Variants in C13orf42 observed in about 807,000 individuals in gnomAD.
C13orf42 encodes chromosome 13 open reading frame 42.
intron 1 of C13orf42, among the ~76,000 whole-genome samples, chr13:51,119,654 A>C (rs150449698): frequency 1.7e-4 from 26 of 152,270 alleles, no homozygotes; most frequent in Non-Finnish European, 3.7e-4. Context: ...AGACAGACAC[A>C]AAAAGACAAA....
intron 1 of C13orf42, among the ~76,000 whole-genome samples, chr13:51,153,144 T>G (rs746672781): frequency 9.2e-5 from 14 of 152,220 alleles, no homozygotes; most frequent in Non-Finnish European, 1.9e-4. Flanking sequence ...TGCCAAAGAC[T>G]TGGAGCCTCA....
At chr13:51,156,337 G>A (rs1285019139) in intron 1 of C13orf42, among the ~76,000 whole-genome samples, 3 of 152,150 alleles carry the variant, frequency 2.0e-5, no homozygotes, top group African/African-American at 7.2e-5. Flanking sequence ...CTCTTACTAT[G>A]TGCCAAGTGC....
intron 1 of C13orf42, among the ~76,000 whole-genome samples, chr13:51,153,941 CTTCAAAACTGTT>C (rs1394828352): frequency 6.6e-6 from 1 of 152,048 alleles, no homozygotes; most frequent in Non-Finnish European, 1.5e-5. Context: ...CCCAACCCAT[CTTCAAAACTGTT>C]TTCTTCTTGC....
At chr13:51,113,917 C>A (rs1953460203), upstream of C13orf42, among the ~76,000 whole-genome samples, 1 of 152,256 alleles carries the variant, frequency 6.6e-6, no homozygotes, top group African/African-American at 2.4e-5. Flanking sequence ...TCTCACTGGG[C>A]TCAGACCAGA....
intron 2 of C13orf42, among the ~76,000 whole-genome samples, chr13:51,085,777 C>T (rs768298009): frequency 2.6e-5 from 4 of 152,178 alleles, no homozygotes; most frequent in Non-Finnish European, 4.4e-5. Context: ...AGGCCAGGTG[C>T]GGGGGCTCAC....
intron 1 of C13orf42, among the ~76,000 whole-genome samples, chr13:51,126,329 T>G (rs1953576507): frequency 6.6e-6 from 1 of 152,226 alleles, no homozygotes; most frequent in Non-Finnish European, 1.5e-5. Flanking sequence ...CCCTCTAATC[T>G]GTTGACTGCC....
intron 1 of C13orf42, among the ~76,000 whole-genome samples, chr13:51,153,359 G>A (rs1040963870): frequency 1.3e-5 from 2 of 151,944 alleles, no homozygotes; most frequent in African/African-American, 4.8e-5. Context: ...TGAGGTCCTG[G>A]GCACCTATAA....
chr13:51,083,429 A>G lies in C13orf42; in HGVS notation c.*722T>C, dbSNP rs1953086141. The G allele has an allele frequency of 6.6e-6, 1 of 152,212 alleles. No homozygotes were observed. The highest frequency in any genetic ancestry group is 1.5e-5 in the Non-Finnish European group (1 of 68,042). 9.4% of individuals were successfully genotyped at this position (152,212 alleles called of 1,614,324 possible). A position where few individuals can be genotyped will look rare whatever the true frequency, so the allele number is the denominator to read the frequency against. ...AAAAAGATTTTTCTGGGTAAGAATT[A>G]GAAGAAAAAGAAAAGAATCACCCCA... On this transcript the variant is annotated 3_prime_UTR_variant, in exon 4 of 4. Transcript: ENST00000563710.
chr13:51,170,748 C>T (rs1953942674), intron 1 of C13orf42, among the ~76,000 whole-genome samples: 1 of 152,106 alleles, frequency 6.6e-6, no homozygotes, highest in Admixed American at 6.5e-5. Context: ...GGGACGCCTG[C>T]CTTGGTCCTT....
Position 51,111,191 on chromosome 13 carries a change from A to G in C13orf42, c.19T>C (p.Ser7Pro). The G allele has an allele frequency of 1.0e-5, 4 of 398,484 alleles. No homozygotes were observed. Among genetic ancestry groups the G allele is most frequent in the Non-Finnish European group, 1.8e-5 (4 of 226,066 alleles). 24.7% of individuals were successfully genotyped at this position (398,484 alleles called of 1,614,324 possible). Residue 7 changes from serine (S) to proline (P), a missense_variant, in exon 1 of 4, where the codon TCC becomes CCC. By Grantham distance (74) the Ser-to-Pro change is moderately conservative. Coordinates refer to ENST00000563710, the MANE Select transcript of C13orf42 (RefSeq NM_001351589.3). MFRKIHSIFNSSPQRKT... is the reference protein window; with the variant it reads MFRKIHPIFNSSPQRKT... ...CTCTGTGGGCTGGAGTTAAAGATGG[A>G]GTGGATCTTTCTGAACATAGTGCTC...
intron 1 of C13orf42, among the ~76,000 whole-genome samples, chr13:51,145,875 A>C (rs1010984214): frequency 6.6e-6 from 1 of 152,210 alleles, no homozygotes; most frequent in Admixed American, 6.5e-5. Flanking sequence ...CCTTCAATGC[A>C]TAAAACCAAG....
chr13:51,131,001 A>T (rs965537594), intron 1 of C13orf42, among the ~76,000 whole-genome samples: 1 of 152,138 alleles, frequency 6.6e-6, no homozygotes, highest in Non-Finnish European at 1.5e-5. Flanking sequence ...ATTAATTGTA[A>T]AAGAGATTCC....
At chr13:51,104,983 A>G (rs1040972469) in intron 1 of C13orf42, among the ~76,000 whole-genome samples, 1 of 152,210 alleles carries the variant, frequency 6.6e-6, no homozygotes, top group Non-Finnish European at 1.5e-5. Flanking sequence ...ACAGGGAGCA[A>G]TCGGCTGTCT....
At chr13:51,171,395 C>T (rs1040472757) in intron 1 of C13orf42, among the ~76,000 whole-genome samples, 1 of 152,072 alleles carries the variant, frequency 6.6e-6, no homozygotes, top group African/African-American at 2.4e-5. Context: ...ACACATCAGT[C>T]CCTTCCTAGT....
In C13orf42 at chr13:51,168,273, C is replaced by G. The variant is rs1953917391; in HGVS notation, n.136+3980G>C. Among the ~76,000 whole-genome samples the G allele has an allele frequency of 3.3e-5, 5 of 152,336 alleles. No homozygotes were observed. In the South Asian group the frequency reaches 1.0e-3, roughly 32 times the overall value. ...TAAACCTAGTTTAGACTGTCAGTTGCATAAATCGGAGGTGCAGTTTCTCAC... is the reference window on the plus strand; with the variant it reads ...TAAACCTAGTTTAGACTGTCAGTTGGATAAATCGGAGGTGCAGTTTCTCAC... On this transcript the variant is annotated intron_variant and non_coding_transcript_variant, in intron 1 of 4. Transcript: ENST00000433280.
chr13:51,167,029 A>C (rs1196560467), intron 1 of C13orf42, among the ~76,000 whole-genome samples: 1 of 152,026 alleles, frequency 6.6e-6, no homozygotes, highest in East Asian at 1.9e-4. Flanking sequence ...CAGTGAGCCG[A>C]GATCGTGCCA....
rs1419953470 is a variant in C13orf42 at position 51,082,161 on chromosome 13, T to C, written c.*1990A>G. The C allele has an allele frequency of 6.6e-6, 1 of 152,232 alleles. No individual in the cohort carries two copies. Among genetic ancestry groups the C allele is most frequent in the Non-Finnish European group, 1.5e-5 (1 of 68,046 alleles). 9.4% of individuals were successfully genotyped at this position (152,232 alleles called of 1,614,324 possible). Reference sequence around the variant, plus strand: ...CTTTTATTGTTTCAGATTTCATTTATCTCAAACCCCACCAGACACCATCTC... The same window carrying C: ...CTTTTATTGTTTCAGATTTCATTTACCTCAAACCCCACCAGACACCATCTC... On this transcript the variant is annotated 3_prime_UTR_variant, in exon 4 of 4. Coordinates refer to ENST00000563710, the MANE Select transcript of C13orf42 (RefSeq NM_001351589.3).
At chr13:51,168,732 T>A (rs990406476) in intron 1 of C13orf42, among the ~76,000 whole-genome samples, 4 of 152,132 alleles carry the variant, frequency 2.6e-5, no homozygotes, top group African/African-American at 9.7e-5. Flanking sequence ...CAAATGGTAA[T>A]CCCCAATGTT....
At chr13:51,092,994 CAGATA>C (rs2137981510) in intron 1 of C13orf42, among the ~76,000 whole-genome samples, 1 of 152,136 alleles carries the variant, frequency 6.6e-6, no homozygotes, top group East Asian at 1.9e-4. Context: ...GTATCTTTAA[CAGATA>C]AGAGTTTTCA....
Sources: gnomAD v4.1 joint callset for allele counts (sites outside exome capture counted in the v4.1 genomes callset) on GRCh38, gnomAD v4.1.1 for gene constraint, MANE v1.5 for transcripts, NCBI Gene and HGNC (gene_info 2026-07-23, HGNC 2026-07-21) for gene names.